CDYL2: variants seen among roughly 807,000 people sequenced by gnomAD.
CDYL2 encodes the protein chromodomain Y-like protein 2.
A neutral mutation model predicts 49.4 loss-of-function variants in CDYL2; 23 were observed. The observed-to-expected ratio is 0.47, with a 90% confidence interval of 0.34 to 0.66. The LOEUF is 0.66. Ranked by LOEUF, CDYL2 falls within the 30% of genes least tolerant of loss-of-function variation. CDYL2 has a pLI of 0.01. For synonymous variants in CDYL2, 360 were observed against 268.8 expected (o/e 1.34, Z -3.32); for missense variants, 678 against 656.4 (o/e 1.03, Z -0.36).
intron 3 of CDYL2, among the ~76,000 whole-genome samples, chr16:80,622,856 C>A (rs1377893521): frequency 2.0e-5 from 3 of 152,214 alleles, no homozygotes; most frequent in African/African-American, 7.2e-5. Flanking sequence ...CTCCTCATCA[C>A]ATGAGCAACT....
chr16:80,632,882 C>T (rs17824270), intron 3 of CDYL2, 137 bp downstream of exon 3: 114,033 of 722,802 alleles, frequency 0.16, 10,997 homozygotes, highest in Non-Finnish European at 0.19. Context: ...GCAAATTGCG[C>T]GCTGCAGTCA....
intron 2 of CDYL2, among the ~76,000 whole-genome samples, chr16:80,646,081 T>A (rs1019727456): frequency 4.6e-5 from 7 of 151,430 alleles, no homozygotes; most frequent in Non-Finnish European, 1.0e-4. Flanking sequence ...ACATGGCGCA[T>A]GTATACATAT....
At chr16:80,698,407 CAAAAAACCAA>C (rs1904284859) in intron 1 of CDYL2, among the ~76,000 whole-genome samples, 1 of 151,968 alleles carries the variant, frequency 6.6e-6, no homozygotes, top group Non-Finnish European at 1.5e-5. Flanking sequence ...AACACAAGAG[CAAAAAACCAA>C]ATAGCTGAAT....
rs1389276954 is a variant in CDYL2, at chr16:80,667,085, AGTCAGCAAAG to A, written c.616+17443_616+17452del. Among the ~76,000 whole-genome samples the A allele has an allele frequency of 2.0e-5, 3 of 152,258 alleles. No homozygotes were observed. In the East Asian group the frequency reaches 5.8e-4, roughly 29 times the overall value. On this transcript the variant is annotated intron_variant, in intron 2 of 6. Transcript: ENST00000570137. Reference sequence around the variant, plus strand: ...AAAACGGAAACTGAGCTATGCTGGCAGTCAGCAAAGGTTTCCATGGGGGAATTGCTGCTTG... The same window carrying A: ...AAAACGGAAACTGAGCTATGCTGGCAGTTTCCATGGGGGAATTGCTGCTTG...
intron 1 of CDYL2, among the ~76,000 whole-genome samples, chr16:80,793,503 T>C (rs796904095): frequency 1.4e-4 from 22 of 152,344 alleles, no homozygotes; most frequent in South Asian, 1.2e-3. Context: ...ATGAAGTTCA[T>C]TGCAGGAAGG....
At chr16:80,753,563 G>C (rs746715600) in intron 1 of CDYL2, among the ~76,000 whole-genome samples, 2 of 152,018 alleles carry the variant, frequency 1.3e-5, no homozygotes, top group Non-Finnish European at 2.9e-5. Flanking sequence ...AGCCAAGATC[G>C]TGCCATTGTA....
intron 2 of CDYL2, among the ~76,000 whole-genome samples, chr16:80,680,915 C>A (rs1012262299): frequency 1.3e-5 from 2 of 152,088 alleles, no homozygotes; most frequent in Non-Finnish European, 2.9e-5. Context: ...CCAAGAGATA[C>A]TGAGGCAGAT....
intron 4 of CDYL2, among the ~76,000 whole-genome samples, chr16:80,613,263 A>G (rs1356204120): frequency 6.6e-6 from 1 of 152,190 alleles, no homozygotes; most frequent in African/African-American, 2.4e-5. Context: ...TCAAAGAGAG[A>G]AAGAATGTTC....
intron 2 of CDYL2, among the ~76,000 whole-genome samples, chr16:80,646,333 T>C (rs1438258808): frequency 6.6e-6 from 1 of 151,872 alleles, no homozygotes; most frequent in Non-Finnish European, 1.5e-5. Context: ...AAAATCACCT[T>C]CACTAAAAGG....
chr16:80,747,249 G>C (rs1331467690), intron 1 of CDYL2, among the ~76,000 whole-genome samples: 2 of 152,120 alleles, frequency 1.3e-5, no homozygotes, highest in Non-Finnish European at 2.9e-5. Context: ...CCACCCCATA[G>C]TGAGGATCTC....
chr16:80,610,866 C>G lies in CDYL2; in HGVS notation c.1218+1760G>C, dbSNP rs375788858. Among the ~76,000 whole-genome samples the G allele has an allele frequency of 2.1e-4, 32 of 152,204 alleles. No individual in the cohort carries two copies. In the East Asian group the frequency reaches 4.9e-3, roughly 23 times the overall value. ...ACCTATGACATCTGCTGGCAGATGC[C>G]CCCAGTGGACCCCGGGCAGACCTTG... On this transcript the variant is annotated intron_variant, in intron 5 of 6. Coordinates refer to ENST00000570137, the MANE Select transcript of CDYL2 (RefSeq NM_152342.4).
At position 80,685,265 on chromosome 16, in the gene CDYL2, AT is replaced by A. The variant is rs1910145355; in HGVS notation, c.25-137del. ...CAGGGGGTGAGCCACGAGCCATTCA[AT>A]GCCAGAAGCCAACACTGGCAGGAGG... On this transcript the variant is annotated intron_variant, in intron 1 of 6. Transcript: ENST00000570137. 1.5e-5 allele frequency: 10 copies of A among 665,442 alleles called. No homozygotes were observed. In the South Asian group the frequency reaches 1.7e-4, roughly 12 times the overall value. 41.2% of individuals were successfully genotyped at this position (665,442 alleles called of 1,614,324 possible).
chr16:80,656,691 C>A (rs2142428306), intron 2 of CDYL2, among the ~76,000 whole-genome samples: 1 of 152,258 alleles, frequency 6.6e-6, no homozygotes, highest in Admixed American at 6.5e-5. Context: ...TCCAAACATA[C>A]AGAAGCGACA....
intron 1 of CDYL2, among the ~76,000 whole-genome samples, chr16:80,803,892 G>C (rs982960881): frequency 6.8e-6 from 1 of 146,056 alleles, no homozygotes. Flanking sequence ...CCGCAAAGTA[G>C]ATGGAGTAAG....
intron 1 of CDYL2, among the ~76,000 whole-genome samples, chr16:80,724,316 T>C (rs1281819886): frequency 7.6e-6 from 1 of 131,594 alleles, no homozygotes; most frequent in Non-Finnish European, 1.7e-5. Context: ...GAGAGGAAGA[T>C]GGGAAGAGGA....
chr16:80,643,405 G>T (rs1341782057), intron 2 of CDYL2, among the ~76,000 whole-genome samples: 1 of 152,222 alleles, frequency 6.6e-6, no homozygotes, highest in Non-Finnish European at 1.5e-5. Flanking sequence ...AGCTGTCAGT[G>T]GATTTACCAT....
chr16:80,665,077 C>T (rs1263402229), intron 2 of CDYL2, among the ~76,000 whole-genome samples: 1 of 152,178 alleles, frequency 6.6e-6, no homozygotes, highest in Admixed American at 6.5e-5. Flanking sequence ...TAGCTCACAG[C>T]AGTCATTTAA....
At chr16:80,632,745 C>A (rs907456239) in intron 3 of CDYL2, 3 of 400,920 alleles carry the variant, frequency 7.5e-6, no homozygotes, top group African/African-American at 6.0e-5. Context: ...TGGGTCTGCC[C>A]CTTGGCTAAG....
At chr16:80,673,047 G>C (rs547725485) in intron 2 of CDYL2, among the ~76,000 whole-genome samples, 154 of 152,318 alleles carry the variant, frequency 1.0e-3, no homozygotes, top group African/African-American at 3.6e-3. Context: ...GCCGGGCGTG[G>C]TGGCTCATGC....
Sources: allele counts gnomAD v4.1 joint callset (sites outside exome capture counted in the v4.1 genomes callset), GRCh38; gene constraint gnomAD v4.1.1; transcripts MANE v1.5; gene names NCBI Gene and HGNC (gene_info 2026-07-23, HGNC 2026-07-21).